ALPK1: variants seen among roughly 807,000 people sequenced by gnomAD.
ALPK1 encodes the protein alpha kinase 1.
Under a neutral mutation model 120.6 loss-of-function variants are expected in ALPK1, and 110 were observed. That is an observed-to-expected ratio of 0.91 (90% CI 0.78 to 1.07). The LOEUF (loss-of-function observed/expected upper bound fraction) is 1.07, where lower values mean the gene tolerates loss of function less well. Ranked by LOEUF, ALPK1 falls within the 50% of genes least tolerant of loss-of-function variation. ALPK1 has a pLI of 0.00. For missense variants in ALPK1, 1,498 were observed against 1,483.9 expected (o/e 1.01, Z -0.16); for synonymous variants, 582 against 560.3 (o/e 1.04, Z -0.55).
At chr4:112,324,096 G>A (rs1347543510) in intron 2 of ALPK1, among the ~76,000 whole-genome samples, 1 of 152,130 alleles carries the variant, frequency 6.6e-6, no homozygotes, top group East Asian at 1.9e-4. Flanking sequence ...GGGAGGCCAA[G>A]GCGGGCGGAT....
intron 14 of ALPK1, 101 bp downstream of exon 14, chr4:112,439,973 A>G: frequency 9.5e-7 from 1 of 1,054,724 alleles, no homozygotes. Flanking sequence ...TGTTCCATGT[A>G]TAGGCTATTA....
At chr4:112,418,879 A>G (rs1010060510) in intron 5 of ALPK1, among the ~76,000 whole-genome samples, 5 of 152,198 alleles carry the variant, frequency 3.3e-5, no homozygotes, top group Admixed American at 2.6e-4. Context: ...AAAGTACCTC[A>G]TTACTGCTTC....
intron 4 of ALPK1, chr4:112,384,295 C>G (rs1304865219): frequency 6.6e-6 from 1 of 152,150 alleles, no homozygotes; most frequent in East Asian, 1.9e-4. Flanking sequence ...CTTATTGTAT[C>G]TAAAGTAAGC....
intron 1 of ALPK1, among the ~76,000 whole-genome samples, chr4:112,299,425 C>T (rs1469114832): frequency 6.6e-6 from 1 of 151,988 alleles, no homozygotes; most frequent in African/African-American, 2.4e-5. Flanking sequence ...GCTTATAAAA[C>T]CTAGAATTTC....
At chr4:112,320,897 C>T (rs867986330) in intron 2 of ALPK1, among the ~76,000 whole-genome samples, 1,637 of 123,556 alleles carry the variant, frequency 0.013, 37 homozygotes, top group African/African-American at 0.048. Flanking sequence ...CCATTTCTTT[C>T]TTTTTTTTTT....
intron 7 of ALPK1, chr4:112,426,011 T>C (rs1412525410): frequency 6.3e-6 from 2 of 315,782 alleles, no homozygotes; most frequent in Admixed American, 9.2e-5. Context: ...CCAGTGTTAT[T>C]TCTAGCATCT....
intron 3 of ALPK1, among the ~76,000 whole-genome samples, chr4:112,381,442 C>T (rs1212750688): frequency 6.6e-6 from 1 of 152,176 alleles, no homozygotes; most frequent in East Asian, 1.9e-4. Context: ...AGCTGGCAGT[C>T]ATATATACAG....
intron 5 of ALPK1, among the ~76,000 whole-genome samples, chr4:112,418,442 A>G (rs1225638767): frequency 6.6e-6 from 1 of 152,194 alleles, no homozygotes; most frequent in Non-Finnish European, 1.5e-5. Flanking sequence ...CCTCTGCACA[A>G]TGAGGAGACA....
Position 112,431,804 on chromosome 4 carries a change from A to G in ALPK1, c.2257A>G (p.Thr753Ala). The G allele has an allele frequency of 6.2e-7, 1 of 1,614,184 alleles. No individual in the cohort carries two copies. Among genetic ancestry groups the G allele is most frequent in the Non-Finnish European group, 8.5e-7 (1 of 1,180,030 alleles). ...AFEIIVEFPETNCDVKDRQGK... is the reference protein window; with the variant it reads ...AFEIIVEFPEANCDVKDRQGK... The stretch of plus-strand genomic sequence containing the variant: ...TGAAATAATTGTTGAGTTTCCAGAA[A>G]CCAACTGCGATGTCAAAGACAGGCA... The change falls in exon 11 of 16, where the codon ACC becomes GCC. Residue 753 changes from threonine (T) to alanine (A), a missense_variant. By Grantham distance (58) the Thr-to-Ala change is moderately conservative (BLOSUM62 0). Coordinates refer to ENST00000650871, the MANE Select transcript of ALPK1 (RefSeq NM_025144.4).
At chr4:112,409,131 G>T (rs187459658) in intron 4 of ALPK1, among the ~76,000 whole-genome samples, 1 of 150,520 alleles carries the variant, frequency 6.6e-6, no homozygotes, top group East Asian at 2.1e-4. Flanking sequence ...AGATTGATAC[G>T]TTGGTTTTTT....
At chr4:112,302,330 C>A (rs1727825632) in intron 1 of ALPK1, 1 of 152,306 alleles carries the variant, frequency 6.6e-6, no homozygotes, top group Admixed American at 6.5e-5. Context: ...TTCTTGGTCA[C>A]ACTCTCAGCT....
chr4:112,334,306 G>A (rs1269053548), intron 2 of ALPK1, among the ~76,000 whole-genome samples: 4 of 151,862 alleles, frequency 2.6e-5, no homozygotes, highest in Non-Finnish European at 5.9e-5. Context: ...GGTGGCATGC[G>A]CCTGTAGTCC....
rs112348929 is a variant in ALPK1, at chr4:112,350,042, A to G, written c.-100-27636A>G. Among the ~76,000 whole-genome samples, 411 of 152,324 alleles carry G rather than the reference A, an allele frequency of 2.7e-3. 2 individuals are homozygous for G. Among genetic ancestry groups the G allele is most frequent in the African/African-American group, 9.3e-3 (388 of 41,594 alleles). The stretch of plus-strand genomic sequence containing the variant: ...TAGTAAGTAGCAGAAATTTAAATCT[A>G]GGAAGCCTCACTGCAAAGTGCATGT... On this transcript the variant is annotated intron_variant, in intron 2 of 15. Transcript: ENST00000650871.
chr4:112,386,326 T>C (rs945176159), intron 4 of ALPK1, among the ~76,000 whole-genome samples: 5 of 152,250 alleles, frequency 3.3e-5, no homozygotes, highest in African/African-American at 1.2e-4. Context: ...TTGAGAGAGT[T>C]TGTCCGCGCT....
chr4:112,332,020 G>A (rs1307796675), intron 2 of ALPK1, among the ~76,000 whole-genome samples: 1 of 152,180 alleles, frequency 6.6e-6, no homozygotes, highest in Non-Finnish European at 1.5e-5. Flanking sequence ...AAAGAGGTAT[G>A]ACTTTACGCT....
chr4:112,433,277 G>A (rs1734655427), intron 11 of ALPK1, among the ~76,000 whole-genome samples: 1 of 152,276 alleles, frequency 6.6e-6, no homozygotes, highest in African/African-American at 2.4e-5. Context: ...CAGGATGAAG[G>A]TACTGCTTTC....
At chr4:112,313,279 A>G (rs1246024582) in intron 1 of ALPK1, among the ~76,000 whole-genome samples, 3 of 152,242 alleles carry the variant, frequency 2.0e-5, no homozygotes, top group Non-Finnish European at 2.9e-5. Flanking sequence ...CAAGAGATCT[A>G]GAAGAAGAGG....
At chr4:112,410,117 T>C (rs1297934668) in intron 4 of ALPK1, among the ~76,000 whole-genome samples, 1 of 152,188 alleles carries the variant, frequency 6.6e-6, no homozygotes, top group Non-Finnish European at 1.5e-5. Context: ...TATCAGATAA[T>C]TGACTCAAAG....
At chr4:112,339,935 G>A (rs549774239) in intron 2 of ALPK1, among the ~76,000 whole-genome samples, 2 of 152,324 alleles carry the variant, frequency 1.3e-5, no homozygotes, top group South Asian at 4.1e-4. Context: ...AAAAGATTGT[G>A]GATAGACACT....
Sources: allele counts gnomAD v4.1 joint callset (sites outside exome capture counted in the v4.1 genomes callset), GRCh38; gene constraint gnomAD v4.1.1; transcripts MANE v1.5; gene names NCBI Gene and HGNC (gene_info 2026-07-23, HGNC 2026-07-21).